Variants in KIFAP3 observed in about 807,000 individuals in gnomAD.
KIFAP3 encodes the protein kinesin-associated protein 3.
In KIFAP3, 68 loss-of-function variants were observed where a neutral mutation model predicts 106.5. The ratio of observed to expected loss-of-function variants is 0.64; its 90% CI spans 0.53 to 0.78. The LOEUF is 0.78. Among genes scored for constraint, KIFAP3 ranks in the 30% least tolerant of loss-of-function variants. The pLI is 0.00. For missense variants in KIFAP3, 780 were observed against 941.8 expected (o/e 0.83, Z 2.25); for synonymous variants, 320 against 311.5 (o/e 1.03, Z -0.29).
intron 1 of KIFAP3, among the ~76,000 whole-genome samples, chr1:170,056,987 C>G (rs918167973): frequency 6.6e-6 from 1 of 151,930 alleles, no homozygotes; most frequent in African/African-American, 2.4e-5. Context: ...TGTACAAAAG[C>G]TATAGAAGTC....
At chr1:170,050,448 G>C (rs1400556951) in intron 2 of KIFAP3, among the ~76,000 whole-genome samples, 2 of 152,076 alleles carry the variant, frequency 1.3e-5, no homozygotes, top group Non-Finnish European at 2.9e-5. Context: ...AGCCTCCCCA[G>C]CCTAGCAAGA....
At chr1:169,945,133 A>G (rs1332871820) in intron 19 of KIFAP3, among the ~76,000 whole-genome samples, 1 of 58,304 alleles carries the variant, frequency 1.7e-5, no homozygotes, top group Non-Finnish European at 3.1e-5. Context: ...GAGGGGGCTG[A>G]GGCAGTGGGG....
intron 3 of KIFAP3, chr1:170,041,863 G>T: frequency 7.2e-7 from 1 of 1,393,522 alleles, no homozygotes; most frequent in Admixed American, 2.5e-5. Context: ...CCCTGTTTAA[G>T]GGGAATTTCC....
chr1:170,038,312 G>C lies in KIFAP3; in HGVS notation c.495C>G (p.Asn165Lys), dbSNP rs760064474. 1.2e-6 allele frequency: 2 copies of C among 1,602,142 alleles called. No individual in the cohort carries two copies. The highest frequency in any genetic ancestry group is 4.5e-5 in the East Asian group (2 of 44,268). Residue 165 changes from asparagine (N) to lysine (K), a missense_variant, in exon 5 of 20, where the codon AAC (asparagine) becomes AAG (lysine). By Grantham distance (94) the Asn-to-Lys change is moderately conservative. Transcript: ENST00000361580. Reference sequence around the variant, plus strand: ...CACCATTCAATAGTAGTTCTTCCAAGTTATCAGGATTTCGAGCAAGCTGCA... The same window carrying C: ...CACCATTCAATAGTAGTTCTTCCAACTTATCAGGATTTCGAGCAAGCTGCA... ...LILQLARNPD[N>K]LEELLLNETA...
chr1:170,076,384 CAGTA>C (rs1214051073), upstream of KIFAP3, among the ~76,000 whole-genome samples: 1 of 152,106 alleles, frequency 6.6e-6, no homozygotes, highest in Non-Finnish European at 1.5e-5. Context: ...TTATGCTTGA[CAGTA>C]AGGACATAGT....
At chr1:170,078,895 C>A (rs1671970930), upstream of KIFAP3, among the ~76,000 whole-genome samples, 1 of 152,164 alleles carries the variant, frequency 6.6e-6, no homozygotes, top group African/African-American at 2.4e-5. Context: ...GTGCAAAACT[C>A]TTTAACAAAA....
Position 169,978,134 on chromosome 1 carries a change from G to A in KIFAP3, c.1848C>T (p.Tyr616=). 1 of 1,612,464 alleles carries A rather than the reference G, an allele frequency of 6.2e-7. No homozygotes were observed. The highest frequency in any genetic ancestry group is 8.5e-7 in the Non-Finnish European group (1 of 1,179,020). Residue 616 remains tyrosine (Y), a synonymous_variant, in exon 16 of 20, where the codon TAC becomes TAT. Transcript: ENST00000361580. Reference sequence around the variant, plus strand: ...TTGTGGCTTGGTGGAAAACCATCTGGTAGAAGACATAAATTATCTGACACA... The same window carrying A: ...TTGTGGCTTGGTGGAAAACCATCTGATAGAAGACATAAATTATCTGACACA... ...EFVCQIIYVF[Y]QMVFHQATRD... is the part of the protein sequence containing the mutation.
chr1:169,998,847 T>G (rs1278884166), intron 10 of KIFAP3, among the ~76,000 whole-genome samples: 3 of 152,160 alleles, frequency 2.0e-5, no homozygotes, highest in African/African-American at 7.2e-5. Flanking sequence ...AATGATTACA[T>G]AAATAATCAA....
intron 1 of KIFAP3, among the ~76,000 whole-genome samples, chr1:170,080,808 T>A (rs1672007530): frequency 6.6e-6 from 1 of 152,152 alleles, no homozygotes; most frequent in African/African-American, 2.4e-5. Flanking sequence ...TTTTATCATG[T>A]GTGTAAATTC....
intron 6 of KIFAP3, 29 bp from the exon 7 acceptor site, chr1:170,034,525 T>G: frequency 8.2e-7 from 1 of 1,218,144 alleles, no homozygotes; most frequent in Non-Finnish European, 1.1e-6. Flanking sequence ...AATATATATT[T>G]AAAAGAATAC....
Position 170,062,028 on chromosome 1 carries a change from G to T in KIFAP3, c.33-6592C>A, listed in dbSNP as rs557195143. ...GGGCCTGTCACGTGGTGGGGAGAGG[G>T]GGGAGGGATAGCATTAGGAGATATG... On this transcript the variant is annotated intron_variant, in intron 1 of 19. Coordinates refer to ENST00000361580, the MANE Select transcript of KIFAP3 (RefSeq NM_014970.4). Among the ~76,000 whole-genome samples, 8 of 152,166 alleles carry T rather than the reference G, an allele frequency of 5.3e-5. No homozygotes were observed. In the East Asian group the frequency reaches 1.4e-3, roughly 26 times the overall value.
chr1:169,933,882 T>G (rs1663636833), intron 19 of KIFAP3, among the ~76,000 whole-genome samples: 1 of 152,118 alleles, frequency 6.6e-6, no homozygotes, highest in African/African-American at 2.4e-5. Flanking sequence ...CTGAATGGGA[T>G]TTGTGTCTCT....
At chr1:169,998,036 G>T (rs1419629345) in intron 10 of KIFAP3, among the ~76,000 whole-genome samples, 1 of 148,354 alleles carries the variant, frequency 6.7e-6, no homozygotes, top group African/African-American at 2.5e-5. Flanking sequence ...ATCCCTTAAT[G>T]GAAAAAAAAA....
intron 19 of KIFAP3, among the ~76,000 whole-genome samples, chr1:169,938,292 C>T (rs965478262): frequency 4.0e-5 from 6 of 151,896 alleles, no homozygotes; most frequent in Non-Finnish European, 7.4e-5. Flanking sequence ...TAAAATATAG[C>T]TACTTAAGGT....
intron 10 of KIFAP3, among the ~76,000 whole-genome samples, chr1:170,009,848 A>G (rs1668156585): frequency 6.6e-6 from 1 of 152,156 alleles, no homozygotes; most frequent in South Asian, 2.1e-4. Flanking sequence ...ATTTTTTTGA[A>G]GATCTGATTC....
intron 7 of KIFAP3, 39 bp from the exon 8 acceptor site, chr1:170,032,023 CA>C: frequency 9.9e-5 from 109 of 1,097,776 alleles, no homozygotes; most frequent in Middle Eastern, 2.3e-4. Flanking sequence ...CTCATTGAAG[CA>C]AAAAAAATCT....
chr1:170,005,089 CAAAAAACACATGA>C, intron 10 of KIFAP3, among the ~76,000 whole-genome samples: 1 of 151,508 alleles, frequency 6.6e-6, no homozygotes, highest in East Asian at 1.9e-4. Flanking sequence ...TTTATGCAGC[CAAAAAACACATGA>C]AAAAATGCTC....
intron 1 of KIFAP3, among the ~76,000 whole-genome samples, chr1:170,073,215 C>A (rs1036686726): frequency 5.9e-5 from 9 of 152,124 alleles, no homozygotes; most frequent in African/African-American, 2.2e-4. Flanking sequence ...AAGTAAAATT[C>A]AGTGAGGAAA....
chr1:170,063,400 C>G (rs183750761), intron 1 of KIFAP3, among the ~76,000 whole-genome samples: 1 of 152,286 alleles, frequency 6.6e-6, no homozygotes, highest in East Asian at 1.9e-4. Flanking sequence ...GGAACTGACT[C>G]AGCACAAGAA....
Sources: gnomAD v4.1 joint callset for allele counts (sites outside exome capture counted in the v4.1 genomes callset) on GRCh38, gnomAD v4.1.1 for gene constraint, MANE v1.5 for transcripts, NCBI Gene and HGNC (gene_info 2026-07-23, HGNC 2026-07-21) for gene names.